GUCY1A2: variants seen among roughly 807,000 people sequenced by gnomAD.
The protein encoded by GUCY1A2 is guanylate cyclase 1 soluble subunit alpha 2.
GUCY1A2 carries 27 observed loss-of-function variants against 63.5 expected under a neutral mutation model. The observed-to-expected ratio is 0.43, with a 90% CI of 0.31 to 0.59. GUCY1A2 has a LOEUF of 0.59. Ranked by LOEUF, GUCY1A2 falls within the 20% of genes least tolerant of loss-of-function variation. GUCY1A2 has a pLI of 0.11. For synonymous variants in GUCY1A2, 364 were observed against 343.5 expected (o/e 1.06, Z -0.66); for missense variants, 768 against 913.3 (o/e 0.84, Z 2.05).
chr11:106,828,129 A>T (rs1858999849), intron 4 of GUCY1A2, among the ~76,000 whole-genome samples: 1 of 151,932 alleles, frequency 6.6e-6, no homozygotes, highest in Non-Finnish European at 1.5e-5. Flanking sequence ...ATAATTCGCA[A>T]ATATTTTCTC....
At chr11:106,999,428 C>A (rs895213519) in intron 1 of GUCY1A2, among the ~76,000 whole-genome samples, 2 of 152,124 alleles carry the variant, frequency 1.3e-5, no homozygotes, top group African/African-American at 4.8e-5. Context: ...TCTGGAAGAG[C>A]AAAACCATAA....
rs139850927 is a variant in GUCY1A2 at position 106,887,362 on chromosome 11, C to T, written c.1206+52098G>A. Reference sequence around the variant, plus strand: ...GTTAATTAGTTTGGGGCAATCTGCCCTATTCACCCTGTTGTCAGAGTTTCT... The same window carrying T: ...GTTAATTAGTTTGGGGCAATCTGCCTTATTCACCCTGTTGTCAGAGTTTCT... On this transcript the variant is annotated intron_variant, in intron 4 of 7. Transcript: ENST00000526355. 9.1e-4 allele frequency among the ~76,000 whole-genome samples: 139 copies of T among 152,238 alleles called. 2 individuals carry two copies. Among genetic ancestry groups the T allele is most frequent in the Admixed American group, 4.7e-3 (72 of 15,278 alleles).
intron 4 of GUCY1A2, chr11:106,827,164 T>C: frequency 6.7e-7 from 1 of 1,494,260 alleles, no homozygotes; most frequent in Non-Finnish European, 9.3e-7. Flanking sequence ...TCCTTTAAGA[T>C]TCAAGCCTTC....
rs2135329078 is a variant in GUCY1A2, at chr11:106,683,321, G to A, written c.*4228C>T. ...TCTTGAACTTGAGTTTCTAGATATTGTCAGCTGAAAGACGCCTGGTGCTAC... is the reference window on the plus strand; with the variant it reads ...TCTTGAACTTGAGTTTCTAGATATTATCAGCTGAAAGACGCCTGGTGCTAC... On this transcript the variant is annotated 3_prime_UTR_variant, in exon 8 of 8. Coordinates refer to ENST00000526355, the MANE Select transcript of GUCY1A2 (RefSeq NM_000855.3). 4.5e-6 allele frequency: 1 copy of A among 222,236 alleles called. No individual in the cohort carries two copies. Among genetic ancestry groups the A allele is most frequent in the African/African-American group, 2.2e-5 (1 of 44,784 alleles). The allele number at this position is 222,236 out of a possible 1,614,324, so 13.8% of individuals were successfully genotyped here.
intron 3 of GUCY1A2, among the ~76,000 whole-genome samples, chr11:106,947,047 C>T (rs987125196): frequency 1.3e-5 from 2 of 151,858 alleles, no homozygotes; most frequent in Non-Finnish European, 2.9e-5. Flanking sequence ...TGAAACCCAT[C>T]TCTACTAAAA....
In GUCY1A2 at chr11:106,924,480, C is replaced by T. The variant is rs574669591; in HGVS notation, c.1206+14980G>A. ...CACTAGTGAAGTTTATTTCAGGCCA[C>T]GCATTGTGGCACAGGCTCTATCTAG... On this transcript the variant is annotated intron_variant, in intron 4 of 7. Transcript: ENST00000526355. 5.3e-5 allele frequency among the ~76,000 whole-genome samples: 8 copies of T among 152,270 alleles called. 1 individual carries two copies. The highest frequency in any genetic ancestry group is 1.4e-4 in the African/African-American group (6 of 41,560).
chr11:106,704,507 T>A (rs1350160640), intron 7 of GUCY1A2, among the ~76,000 whole-genome samples: 2 of 152,192 alleles, frequency 1.3e-5, no homozygotes, highest in Non-Finnish European at 2.9e-5. Context: ...TCTCATACAA[T>A]GAGCTGTTCA....
rs746090172 is a variant in GUCY1A2, at chr11:106,675,711, A to G, written c.*11838T>C. ...ATCTGAACAAGTATTAAGATTGTCC[A>G]TCATTTCAAGACAAAGGTTTTCTTA... On this transcript the variant is annotated 3_prime_UTR_variant, in exon 8 of 8. Coordinates refer to ENST00000526355, the MANE Select transcript of GUCY1A2 (RefSeq NM_000855.3). 1 of 187,658 alleles carries G rather than the reference A, an allele frequency of 5.3e-6. No homozygotes were observed. The highest frequency in any genetic ancestry group is 2.4e-5 in the African/African-American group (1 of 41,156). 11.6% of individuals were successfully genotyped at this position (187,658 alleles called of 1,614,324 possible).
intron 7 of GUCY1A2, among the ~76,000 whole-genome samples, chr11:106,691,983 C>T (rs1421684314): frequency 1.3e-5 from 2 of 152,084 alleles, no homozygotes; most frequent in East Asian, 1.9e-4. Context: ...TCATTTCACA[C>T]AGCATGCCTG....
At chr11:106,796,678 C>T (rs1015421353) in intron 5 of GUCY1A2, among the ~76,000 whole-genome samples, 1 of 152,188 alleles carries the variant, frequency 6.6e-6, no homozygotes, top group Non-Finnish European at 1.5e-5. Flanking sequence ...TTGTGGGTAA[C>T]CCGACCTTTA....
chr11:106,944,793 T>A (rs1860804172), intron 3 of GUCY1A2, among the ~76,000 whole-genome samples: 1 of 152,156 alleles, frequency 6.6e-6, no homozygotes, highest in Non-Finnish European at 1.5e-5. Context: ...ATCTAACAAG[T>A]GCAGTATCAT....
At chr11:106,934,266 C>G (rs1364426236) in intron 4 of GUCY1A2, among the ~76,000 whole-genome samples, 1 of 152,146 alleles carries the variant, frequency 6.6e-6, no homozygotes, top group Non-Finnish European at 1.5e-5. Context: ...TGTCTCAGCT[C>G]TGCTAATGTA....
At chr11:106,907,838 C>T (rs964191795) in intron 4 of GUCY1A2, among the ~76,000 whole-genome samples, 6 of 152,028 alleles carry the variant, frequency 3.9e-5, no homozygotes, top group Non-Finnish European at 7.4e-5. Context: ...CAAGTCTTTG[C>T]TATTGTGAAT....
At chr11:106,938,271 A>T (rs1860705880) in intron 4 of GUCY1A2, among the ~76,000 whole-genome samples, 1 of 152,124 alleles carries the variant, frequency 6.6e-6, no homozygotes, top group African/African-American at 2.4e-5. Context: ...TTTTTAAAAA[A>T]CTTTCCATTG....
chr11:106,928,820 G>A (rs1425988404), intron 4 of GUCY1A2, among the ~76,000 whole-genome samples: 3 of 152,148 alleles, frequency 2.0e-5, no homozygotes, highest in Non-Finnish European at 4.4e-5. Flanking sequence ...ATAAAATACG[G>A]CTTTACAATC....
chr11:106,942,077 A>T (rs1272485126), intron 3 of GUCY1A2, among the ~76,000 whole-genome samples: 1 of 152,220 alleles, frequency 6.6e-6, no homozygotes, highest in African/African-American at 2.4e-5. Flanking sequence ...TCTAGTGTAG[A>T]AGAGAAAACA....
At chr11:106,884,944 C>T (rs914085343) in intron 4 of GUCY1A2, among the ~76,000 whole-genome samples, 2 of 152,102 alleles carry the variant, frequency 1.3e-5, no homozygotes. Context: ...CCGGCCTAGT[C>T]AGCCACTCAA....
chr11:106,927,096 G>A (rs923131741), intron 4 of GUCY1A2, among the ~76,000 whole-genome samples: 28 of 151,870 alleles, frequency 1.8e-4, no homozygotes, highest in African/African-American at 5.8e-4. Flanking sequence ...ATTAGAGGCC[G>A]GGTGCAGTGG....
At chr11:106,888,430 A>C (rs1426557283) in intron 4 of GUCY1A2, among the ~76,000 whole-genome samples, 1 of 152,054 alleles carries the variant, frequency 6.6e-6, no homozygotes, top group East Asian at 1.9e-4. Context: ...ACTCCACTGC[A>C]CTCCAGCCTG....
Sources: allele counts gnomAD v4.1 joint callset (sites outside exome capture counted in the v4.1 genomes callset), GRCh38; gene constraint gnomAD v4.1.1; transcripts MANE v1.5; gene names NCBI Gene and HGNC (gene_info 2026-07-23, HGNC 2026-07-21).